SYNPR: variants seen among roughly 807,000 people sequenced by gnomAD.
SYNPR encodes the protein synaptoporin.
A neutral mutation model predicts 32.9 loss-of-function variants in SYNPR; 23 were observed. That is an observed-to-expected ratio of 0.70 (90% CI 0.50 to 0.99). The LOEUF (loss-of-function observed/expected upper bound fraction) is 0.99. Ranked by LOEUF, SYNPR falls within the 50% of genes least tolerant of loss-of-function variation. The pLI is 0.00. For synonymous variants in SYNPR, 146 were observed against 135.9 expected, an observed-to-expected ratio of 1.07 and a Z score of -0.52; for missense variants, 318 against 349.3, an observed-to-expected ratio of 0.91 and a Z score of 0.71.
upstream of SYNPR, among the ~76,000 whole-genome samples, chr3:63,223,616 CT>C (rs1466200830): frequency 1.1e-5 from 1 of 89,438 alleles, no homozygotes; most frequent in Non-Finnish European, 2.4e-5. Flanking sequence ...CAAGAAATTC[CT>C]TTTTAAAACA....
At chr3:63,512,657 G>A (rs1196234161) in intron 3 of SYNPR, among the ~76,000 whole-genome samples, 1 of 152,154 alleles carries the variant, frequency 6.6e-6, no homozygotes, top group African/African-American at 2.4e-5. Context: ...AAAGCTGGAG[G>A]AAGGGGCCAG....
intron 1 of SYNPR, among the ~76,000 whole-genome samples, chr3:63,242,460 GA>G (rs781465472): frequency 6.6e-6 from 1 of 152,096 alleles, no homozygotes; most frequent in African/African-American, 2.4e-5. Flanking sequence ...GTTGAGGCTA[GA>G]AAAAATTAAC....
At chr3:63,323,210 C>G (rs371196235) in intron 2 of SYNPR, among the ~76,000 whole-genome samples, 37 of 152,128 alleles carry the variant, frequency 2.4e-4, no homozygotes, top group African/African-American at 8.4e-4. Flanking sequence ...GTCAACAATC[C>G]TTTCTCATAA....
chr3:63,384,239 G>A (rs2088012290), intron 2 of SYNPR, among the ~76,000 whole-genome samples: 1 of 152,158 alleles, frequency 6.6e-6, no homozygotes, highest in African/African-American at 2.4e-5. Flanking sequence ...ACACTATGAA[G>A]GCAGGGCTTA....
intron 2 of SYNPR, among the ~76,000 whole-genome samples, chr3:63,256,734 G>C (rs1424904834): frequency 6.6e-6 from 1 of 152,178 alleles, no homozygotes; most frequent in Non-Finnish European, 1.5e-5. Context: ...ACTTTGACGA[G>C]TTGAGAGAAG....
At position 63,449,016 on chromosome 3, in the gene SYNPR, T is replaced by C. The variant is rs558282380; in HGVS notation, c.85-31816T>C. Reference sequence around the variant, plus strand: ...AAGCAGGGAGCTGGAAAAGATTTTGTAGTGTGTGTGTCTTATAAGCATTAT... The same window carrying C: ...AAGCAGGGAGCTGGAAAAGATTTTGCAGTGTGTGTGTCTTATAAGCATTAT... On this transcript the variant is annotated intron_variant, in intron 2 of 5. Transcript: ENST00000478300. Among the ~76,000 whole-genome samples the C allele has an allele frequency of 1.4e-3, 214 of 152,316 alleles. No homozygotes were observed. The Middle Eastern group carries it at 0.027, about 19-fold the overall frequency.
At chr3:63,449,763 T>C (rs1700345430) in intron 2 of SYNPR, among the ~76,000 whole-genome samples, 4 of 152,220 alleles carry the variant, frequency 2.6e-5, no homozygotes, top group Non-Finnish European at 1.5e-5. Flanking sequence ...GTCCTTTTAC[T>C]ATTACTATCC....
chr3:63,366,811 C>T (rs1334496555), intron 2 of SYNPR, among the ~76,000 whole-genome samples: 4 of 152,148 alleles, frequency 2.6e-5, no homozygotes, highest in Non-Finnish European at 5.9e-5. Context: ...AAAATAAAAA[C>T]ACCTGAGCCA....
rs115573390 is a variant in SYNPR at position 63,295,642 on chromosome 3, A to C, written c.84+16900A>C. Reference sequence around the variant, plus strand: ...GAGCAGGCAGAGAGAATTTCTCTGAAGTTCAAAGCAAGTACTTTTAAAACT... The same window carrying C: ...GAGCAGGCAGAGAGAATTTCTCTGACGTTCAAAGCAAGTACTTTTAAAACT... On this transcript the variant is annotated intron_variant, in intron 2 of 5. Coordinates refer to ENST00000478300, the MANE Select transcript of SYNPR (RefSeq NM_001130003.2). Among the ~76,000 whole-genome samples, 1,331 of 152,308 alleles carry C rather than the reference A, an allele frequency of 8.7e-3. 24 individuals are homozygous for C. The highest frequency in any genetic ancestry group is 0.029 in the African/African-American group (1,207 of 41,564).
chr3:63,347,170 C>T (rs2087448721), intron 2 of SYNPR, among the ~76,000 whole-genome samples: 1 of 152,118 alleles, frequency 6.6e-6, no homozygotes. Context: ...TTCTAAATGA[C>T]CCTAAGTAAT....
At chr3:63,464,094 T>G (rs1049876174) in intron 2 of SYNPR, among the ~76,000 whole-genome samples, 9 of 152,222 alleles carry the variant, frequency 5.9e-5, no homozygotes, top group African/African-American at 2.2e-4. Flanking sequence ...CATTTCCAAT[T>G]CAACAAATTA....
At chr3:63,605,889 T>C (rs1026988303) in intron 4 of SYNPR, among the ~76,000 whole-genome samples, 5 of 152,258 alleles carry the variant, frequency 3.3e-5, no homozygotes, top group Non-Finnish European at 7.3e-5. Flanking sequence ...CACAGGTCCC[T>C]GCTATGGGGC....
rs375576929 is a variant in SYNPR at position 63,239,566 on chromosome 3, G to A, written n.66+11186G>A. On this transcript the variant is annotated intron_variant and non_coding_transcript_variant, in intron 1 of 4. Transcript: ENST00000478456. ...TCCTACCATTGTCACCAATCCTACC[G>A]TTGTCAGGTGTGTCATGTGCCCATT... 1.4e-3 allele frequency among the ~76,000 whole-genome samples: 142 copies of A among 102,480 alleles called. 1 individual carries two copies. In the East Asian group the frequency reaches 0.017, roughly 12 times the overall value. 67.2% of individuals were successfully genotyped at this position (102,480 alleles called of 152,430 possible). A position where few individuals can be genotyped will look rare whatever the true frequency, so the allele number is the denominator to read the frequency against.
At chr3:63,513,638 AG>A (rs1339579174) in intron 3 of SYNPR, among the ~76,000 whole-genome samples, 1 of 152,096 alleles carries the variant, frequency 6.6e-6, no homozygotes, top group African/African-American at 2.4e-5. Context: ...AGGTAATTTG[AG>A]GGAGAATAGA....
chr3:63,237,476 C>T (rs180850839), intron 1 of SYNPR, among the ~76,000 whole-genome samples: 2 of 151,954 alleles, frequency 1.3e-5, no homozygotes, highest in East Asian at 1.9e-4. Flanking sequence ...GTTGTTACAG[C>T]GTTCTTATGA....
intron 3 of SYNPR, among the ~76,000 whole-genome samples, chr3:63,498,563 G>C (rs1234713940): frequency 1.3e-5 from 2 of 152,110 alleles, no homozygotes; most frequent in Admixed American, 6.6e-5. Context: ...ATTGAGCAGA[G>C]ACCTGAATAG....
the SYNPR span, chr3:63,203,068 G>GTATATATATATATATATATATATATATA: frequency 1.9e-4 from 21 of 108,554 alleles, no homozygotes; most frequent in African/African-American, 2.7e-4. Context: ...ATATGTATGT[G>GTATATATATATATATATATATATATATA]TATATATATA....
chr3:63,230,592 T>A (rs1219310631), intron 1 of SYNPR, among the ~76,000 whole-genome samples: 1 of 152,188 alleles, frequency 6.6e-6, no homozygotes, highest in African/African-American at 2.4e-5. Flanking sequence ...AGGGGCTGTA[T>A]ATAAATTAAG....
In SYNPR at chr3:63,473,597, G is replaced by A. The variant is rs181229605; in HGVS notation, c.85-7235G>A. On this transcript the variant is annotated intron_variant, in intron 2 of 5. Transcript: ENST00000478300. The stretch of plus-strand genomic sequence containing the variant: ...CATACCTATATTTAAAAGTCTGCTC[G>A]TGTTAAAAAATAGAATAATGGGAGC... 3.0e-4 allele frequency among the ~76,000 whole-genome samples: 46 copies of A among 152,282 alleles called. No individual in the cohort carries two copies. The South Asian group carries it at 3.3e-3, about 11-fold the overall frequency.
Sources: allele counts gnomAD v4.1 joint callset (sites outside exome capture counted in the v4.1 genomes callset), GRCh38; gene constraint gnomAD v4.1.1; transcripts MANE v1.5; gene names NCBI Gene and HGNC (gene_info 2026-07-23, HGNC 2026-07-21).